BTBD9: variants seen among roughly 807,000 people sequenced by gnomAD.
BTBD9 encodes the protein BTB/POZ domain-containing protein 9.
BTBD9 carries 49 observed loss-of-function variants against 64.3 expected under a neutral mutation model. That is an observed-to-expected ratio of 0.76 (90% CI 0.61 to 0.97). BTBD9 has a LOEUF of 0.97. Among genes scored for constraint, BTBD9 ranks in the 50% least tolerant of loss-of-function variants. The probability of loss-of-function intolerance (pLI) is 0.00; values close to 1 mark genes in which losing one functional copy is unlikely to be tolerated. For synonymous variants in BTBD9, 260 were observed against 274.7 expected, an observed-to-expected ratio of 0.95 and a Z score of 0.53; for missense variants, 598 against 762.1, an observed-to-expected ratio of 0.78 and a Z score of 2.53.
chr6:38,567,607 G>A (rs1263978843), intron 6 of BTBD9, among the ~76,000 whole-genome samples: 2 of 152,118 alleles, frequency 1.3e-5, no homozygotes, highest in Non-Finnish European at 2.9e-5. Flanking sequence ...TTTTCATACT[G>A]GGAGATGAAT....
chr6:38,208,928 T>C (rs546700310), intron 9 of BTBD9, among the ~76,000 whole-genome samples: 1 of 152,230 alleles, frequency 6.6e-6, no homozygotes, highest in Non-Finnish European at 1.5e-5. Flanking sequence ...AGTGATTGTT[T>C]TGGCCACACG....
chr6:38,632,918 C>G (rs974864076), intron 1 of BTBD9, among the ~76,000 whole-genome samples: 1 of 151,892 alleles, frequency 6.6e-6, no homozygotes, highest in Admixed American at 6.6e-5. Flanking sequence ...GGCAAGAGAG[C>G]CAGACCCTGT....
At chr6:38,480,599 A>G (rs897471021) in intron 6 of BTBD9, among the ~76,000 whole-genome samples, 5 of 152,190 alleles carry the variant, frequency 3.3e-5, no homozygotes, top group African/African-American at 1.2e-4. Context: ...AAAGTAGTAT[A>G]TAAGTAAAAA....
chr6:38,457,644 A>G, intron 6 of BTBD9, among the ~76,000 whole-genome samples: 1 of 152,148 alleles, frequency 6.6e-6, no homozygotes, highest in East Asian at 1.9e-4. Context: ...AGATAGTACA[A>G]TAGAGATTTT....
chr6:38,409,323 A>G (rs563862233), intron 6 of BTBD9, among the ~76,000 whole-genome samples: 1 of 152,346 alleles, frequency 6.6e-6, no homozygotes, highest in South Asian at 2.1e-4. Context: ...TCCTTAAGCA[A>G]GCTTAATCAG....
chr6:38,390,082 T>C (rs1766345620), intron 6 of BTBD9, among the ~76,000 whole-genome samples: 1 of 152,210 alleles, frequency 6.6e-6, no homozygotes, highest in South Asian at 2.1e-4. Flanking sequence ...TGAAAATACC[T>C]CTCTGCTGGT....
chr6:38,513,672 T>C (rs1582556811), intron 6 of BTBD9, among the ~76,000 whole-genome samples: 1 of 152,138 alleles, frequency 6.6e-6, no homozygotes, highest in East Asian at 1.9e-4. Flanking sequence ...TTTATAGCTA[T>C]TTTCACAGTC....
At chr6:38,225,790 C>A (rs1343771083) in intron 9 of BTBD9, among the ~76,000 whole-genome samples, 1 of 152,176 alleles carries the variant, frequency 6.6e-6, no homozygotes. Flanking sequence ...CAACCCAGGA[C>A]TTCAAGGTGC....
intron 4 of BTBD9, among the ~76,000 whole-genome samples, chr6:38,588,991 T>A (rs1007180530): frequency 6.6e-6 from 1 of 152,210 alleles, no homozygotes; most frequent in Non-Finnish European, 1.5e-5. Context: ...GGAAGTGTAA[T>A]GCTTCCTTGT....
At chr6:38,623,875 C>A (rs1011496409) in intron 1 of BTBD9, among the ~76,000 whole-genome samples, 3 of 152,216 alleles carry the variant, frequency 2.0e-5, no homozygotes, top group African/African-American at 7.2e-5. Flanking sequence ...ACCAAGGACC[C>A]CTGGACTGAC....
intron 6 of BTBD9, among the ~76,000 whole-genome samples, chr6:38,429,257 C>T (rs1456513739): frequency 6.6e-6 from 1 of 151,002 alleles, no homozygotes; most frequent in African/African-American, 2.4e-5. Context: ...GAGTTCAAGA[C>T]CAGCCTGGCC....
chr6:38,496,671 A>C (rs189680223), intron 6 of BTBD9, among the ~76,000 whole-genome samples: 4 of 150,876 alleles, frequency 2.7e-5, no homozygotes, highest in Admixed American at 6.6e-5. Context: ...AAAAAAAAAA[A>C]AGAGAGAGAG....
intron 6 of BTBD9, among the ~76,000 whole-genome samples, chr6:38,472,035 G>T (rs141240625): frequency 6.6e-6 from 1 of 152,268 alleles, no homozygotes; most frequent in East Asian, 1.9e-4. Flanking sequence ...CTTTGCCTCT[G>T]TAGAAAATGT....
intron 1 of BTBD9, among the ~76,000 whole-genome samples, chr6:38,605,541 A>C (rs1282610238): frequency 1.3e-5 from 2 of 152,176 alleles, no homozygotes; most frequent in Non-Finnish European, 2.9e-5. Flanking sequence ...TGCTTAAGTG[A>C]ATTTTCCAAA....
intron 4 of BTBD9, chr6:38,588,084 AG>A: frequency 1.4e-6 from 1 of 730,622 alleles, no homozygotes. Context: ...TACCAGCAAC[AG>A]GCTAGCTATG....
intron 6 of BTBD9, among the ~76,000 whole-genome samples, chr6:38,505,331 A>T (rs1772420116): frequency 6.6e-6 from 1 of 152,154 alleles, no homozygotes. Flanking sequence ...CCAACTTAAA[A>T]TCCCCTATGG....
chr6:38,175,751 G>A (rs1761209083), intron 10 of BTBD9, among the ~76,000 whole-genome samples: 1 of 152,184 alleles, frequency 6.6e-6, no homozygotes, highest in Admixed American at 6.5e-5. Context: ...GAATGTGTGT[G>A]AGCGTGCCCT....
intron 6 of BTBD9, among the ~76,000 whole-genome samples, chr6:38,379,506 A>G (rs1157417042): frequency 6.6e-6 from 1 of 152,216 alleles, no homozygotes; most frequent in Non-Finnish European, 1.5e-5. Context: ...AATTTGGGAG[A>G]CAGGCAAAGA....
chr6:38,228,575 A>T (rs976360807), intron 9 of BTBD9, among the ~76,000 whole-genome samples: 4 of 128,154 alleles, frequency 3.1e-5, no homozygotes, highest in Non-Finnish European at 7.3e-5. Flanking sequence ...AACGGCTCTT[A>T]AAAAAAAAAC....
Sources: allele counts gnomAD v4.1 joint callset (sites outside exome capture counted in the v4.1 genomes callset), GRCh38; gene constraint gnomAD v4.1.1; transcripts MANE v1.5; gene names NCBI Gene and HGNC (gene_info 2026-07-23, HGNC 2026-07-21).